Variants in SCN3B observed in about 807,000 individuals in gnomAD.
SCN3B encodes sodium channel regulatory subunit beta-3.
In SCN3B, 11 loss-of-function variants were observed where a neutral mutation model predicts 25.4. The observed-to-expected ratio is 0.43, with a 90% CI of 0.27 to 0.72. SCN3B has a LOEUF of 0.72. Ranked by LOEUF, SCN3B falls within the 30% of genes least tolerant of loss-of-function variation. The pLI, the probability that SCN3B is intolerant of heterozygous loss-of-function variation, is 0.18. For missense variants in SCN3B, 218 were observed against 278.3 expected, an observed-to-expected ratio of 0.78 and a Z score of 1.54; for synonymous variants, 109 against 110.7, an observed-to-expected ratio of 0.99 and a Z score of 0.09.
At position 123,630,755 on chromosome 11, in the gene SCN3B, A is replaced by G; in HGVS notation, c.*3044T>C. ...CTCTCAAAGCACATTGCTAGCATCC[A>G]CCAAAAAGCAAAGTGGTAGAGAAGC... On this transcript the variant is annotated 3_prime_UTR_variant, in exon 7 of 7. Transcript: ENST00000299333. 1 of 152,268 alleles carries G rather than the reference A, an allele frequency of 6.6e-6. No homozygotes were observed. The highest frequency in any genetic ancestry group is 1.5e-5 in the Non-Finnish European group (1 of 68,056). The allele number at this position is 152,268 out of a possible 1,614,324, so 9.4% of individuals were successfully genotyped here.
chr11:123,647,417 G>T (rs1340096882), intron 2 of SCN3B, among the ~76,000 whole-genome samples: 1 of 152,138 alleles, frequency 6.6e-6, no homozygotes, highest in African/African-American at 2.4e-5. Flanking sequence ...GTTTGAGGCT[G>T]CAATGAGCTA....
At chr11:123,645,308 G>C (rs573799289) in intron 3 of SCN3B, among the ~76,000 whole-genome samples, 13 of 152,286 alleles carry the variant, frequency 8.5e-5, no homozygotes, top group African/African-American at 2.6e-4. Flanking sequence ...CAAAATGTGT[G>C]GTAGGGCGCC....
At chr11:123,643,817 C>T (rs1955817549) in intron 3 of SCN3B, among the ~76,000 whole-genome samples, 1 of 152,236 alleles carries the variant, frequency 6.6e-6, no homozygotes, top group Non-Finnish European at 1.5e-5. Context: ...CATCCAGCCT[C>T]CTGCAGCTGG....
intron 2 of SCN3B, among the ~76,000 whole-genome samples, chr11:123,649,977 T>G (rs917016909): frequency 2.0e-5 from 3 of 152,192 alleles, no homozygotes; most frequent in Non-Finnish European, 1.5e-5. Context: ...GTGCCGGGAT[T>G]ACAGACATGA....
At chr11:123,644,794 AG>A (rs1955829772) in intron 3 of SCN3B, among the ~76,000 whole-genome samples, 2 of 89,104 alleles carry the variant, frequency 2.2e-5, no homozygotes, top group Admixed American at 1.5e-4. Context: ...AGAGAGAGAG[AG>A]AGAGAATATA....
chr11:123,645,613 T>G lies in SCN3B; in HGVS notation c.193A>C (p.Arg65=), dbSNP rs1238498193. 6.2e-7 allele frequency: 1 copy of G among 1,614,080 alleles called. No individual in the cohort carries two copies. Among genetic ancestry groups the G allele is most frequent in the African/African-American group, 1.3e-5 (1 of 74,950 alleles). The change falls in exon 3 of 7, where the codon AGG becomes CGG. Residue 65 remains arginine, a synonymous_variant. Transcript: ENST00000299333. ...EATTVVEWFY[R]PEGGKDFLIY... is the part of the protein sequence containing the mutation. The stretch of plus-strand genomic sequence containing the variant: ...AGGAAATCTTTACCGCCCTCGGGCC[T>G]GTAGAACCATTCCACCACCGTGGTG...
Position 123,631,092 on chromosome 11 carries a change from A to T in SCN3B, c.*2707T>A, listed in dbSNP as rs1955666381. 1 of 152,242 alleles carries T rather than the reference A, an allele frequency of 6.6e-6. No individual in the cohort carries two copies. Among genetic ancestry groups the T allele is most frequent in the Admixed American group, 6.5e-5 (1 of 15,290 alleles). The allele number at this position is 152,242 out of a possible 1,614,324, so 9.4% of individuals were successfully genotyped here. On this transcript the variant is annotated 3_prime_UTR_variant, in exon 7 of 7. Transcript: ENST00000299333. ...CTTCGTAAACCATATAGTTCTAATG[A>T]AAGTGTCAAGAATGAGAAGAATGGA... is the stretch of plus-strand genomic sequence containing the variant.
At chr11:123,644,664 G>A (rs912583696) in intron 3 of SCN3B, among the ~76,000 whole-genome samples, 4 of 151,450 alleles carry the variant, frequency 2.6e-5, no homozygotes, top group African/African-American at 9.7e-5. Flanking sequence ...CCAGCTACTG[G>A]GGAGGCTGAG....
intron 3 of SCN3B, among the ~76,000 whole-genome samples, chr11:123,645,369 C>T (rs1955842563): frequency 6.6e-6 from 1 of 152,138 alleles, no homozygotes; most frequent in East Asian, 1.9e-4. Flanking sequence ...CTGCTTCCTC[C>T]AGCCCATAAT....
chr11:123,638,824 G>A (rs547361672), intron 4 of SCN3B: 4 of 205,244 alleles, frequency 1.9e-5, no homozygotes, highest in South Asian at 9.0e-5. Flanking sequence ...GTGGAGGGTG[G>A]TATTCCTGGG....
chr11:123,647,245 T>C (rs113610821), intron 2 of SCN3B, among the ~76,000 whole-genome samples: 5 of 152,002 alleles, frequency 3.3e-5, no homozygotes, highest in Non-Finnish European at 5.9e-5. Context: ...GGAGGCTAAG[T>C]TGAGAGGATT....
intron 2 of SCN3B, among the ~76,000 whole-genome samples, chr11:123,649,642 T>TTC (rs1955898128): frequency 4.6e-5 from 7 of 151,548 alleles, no homozygotes; most frequent in Non-Finnish European, 2.9e-5. Flanking sequence ...TCTTTCTTTT[T>TTC]TTTCTTTCTT....
At position 123,630,134 on chromosome 11, in the gene SCN3B, C is replaced by G. The variant is rs927959841; in HGVS notation, c.*3665G>C. The stretch of plus-strand genomic sequence containing the variant: ...GACATCTAAGGAGAAACCTGCAACT[C>G]AGAAGGAAGTCTGGGTGTGTGGGTG... On this transcript the variant is annotated 3_prime_UTR_variant, in exon 7 of 7. Coordinates refer to ENST00000299333, the MANE Select transcript of SCN3B (RefSeq NM_001040151.2). 1.3e-5 allele frequency: 2 copies of G among 152,380 alleles called. No homozygotes were observed. The highest frequency in any genetic ancestry group is 3.9e-4 in the East Asian group (2 of 5,190). 9.4% of individuals were successfully genotyped at this position (152,380 alleles called of 1,614,324 possible). A position where few individuals can be genotyped will look rare whatever the true frequency, so the allele number is the denominator to read the frequency against.
rs1955959205 is a variant in SCN3B, at chr11:123,653,735, G to A, written c.55+12C>T. ...TTACCTGCATCCGGCATGGCGAGGT[G>A]CTGGTACTTACCCCAGTAGATAAGC... On this transcript the variant is annotated intron_variant, in intron 2 of 6. Coordinates refer to ENST00000299333, the MANE Select transcript of SCN3B (RefSeq NM_001040151.2). 6.2e-7 allele frequency: 1 copy of A among 1,614,018 alleles called. No homozygotes were observed. The highest frequency in any genetic ancestry group is 1.3e-5 in the African/African-American group (1 of 75,038).
At position 123,642,732 on chromosome 11, in the gene SCN3B, CGA is replaced by C; in HGVS notation, c.220-63_220-62del. 7.7e-7 allele frequency: 1 copy of C among 1,291,978 alleles called. No individual in the cohort carries two copies. The highest frequency in any genetic ancestry group is 1.1e-6 in the Non-Finnish European group (1 of 897,434). The allele number at this position is 1,291,978 out of a possible 1,614,324, so 80.0% of individuals were successfully genotyped here. Reference sequence around the variant, plus strand: ...AAAGGAGATGGCAGTGGGGGGAAGCCGAGTTAGGGACAGGGCAGAGAAAAGGA... The same window carrying C: ...AAAGGAGATGGCAGTGGGGGGAAGCCGTTAGGGACAGGGCAGAGAAAAGGA... On this transcript the variant is annotated intron_variant, in intron 3 of 6. Transcript: ENST00000299333. The surrounding 1 kb of genome is among the most constrained non-coding windows in gnomAD (Gnocchi z 4.3).
At position 123,642,405 on chromosome 11, in the gene SCN3B, A is replaced by C. The variant is rs1955802243; in HGVS notation, c.445+41T>G. 1.3e-6 allele frequency: 2 copies of C among 1,591,678 alleles called. No homozygotes were observed. Among genetic ancestry groups the C allele is most frequent in the Non-Finnish European group, 1.7e-6 (2 of 1,159,620 alleles). ...TGCTGTCCTACCCTTCCCTGTCCACAGAGAGCAGGACGCCCTAGAGACCCT... is the reference window on the plus strand; with the variant it reads ...TGCTGTCCTACCCTTCCCTGTCCACCGAGAGCAGGACGCCCTAGAGACCCT... On this transcript the variant is annotated intron_variant, in intron 4 of 6. Transcript: ENST00000299333. This position sits in a 1 kb window ranked among gnomAD's most constrained non-coding sequence, Gnocchi z 4.3.
intron 3 of SCN3B, among the ~76,000 whole-genome samples, chr11:123,644,805 AT>A (rs1565496848): frequency 2.7e-4 from 10 of 36,648 alleles, no homozygotes; most frequent in African/African-American, 1.8e-3. Flanking sequence ...GAGAGAATAT[AT>A]ATATATATAT....
chr11:123,637,285 T>C (rs1451596520), intron 5 of SCN3B, among the ~76,000 whole-genome samples: 1 of 152,096 alleles, frequency 6.6e-6, no homozygotes, highest in Non-Finnish European at 1.5e-5. Flanking sequence ...CTAGGGGAAA[T>C]AACATGTTGC....
At chr11:123,640,632 A>C (rs1955777322) in intron 4 of SCN3B, 1 of 152,234 alleles carries the variant, frequency 6.6e-6, no homozygotes, top group Non-Finnish European at 1.5e-5. Flanking sequence ...TTCCAGCGCG[A>C]ATTTGCTGCA....
Sources: allele counts gnomAD v4.1 joint callset (sites outside exome capture counted in the v4.1 genomes callset), GRCh38; gene constraint gnomAD v4.1.1; non-coding constraint Gnocchi (gnomAD v3.1); transcripts MANE v1.5; gene names NCBI Gene and HGNC (gene_info 2026-07-23, HGNC 2026-07-21).